The following INPP5D variants were observed in gnomAD, a reference collection of about 807,000 sequenced individuals.
INPP5D encodes phosphatidylinositol 3,4,5-trisphosphate 5-phosphatase 1.
A neutral mutation model predicts 122.9 loss-of-function variants in INPP5D; 33 were observed. That is an observed-to-expected ratio of 0.27 (90% CI 0.20 to 0.36). INPP5D has a LOEUF of 0.36. Ranked by LOEUF, INPP5D falls within the 10% of genes least tolerant of loss-of-function variation. The pLI, the probability that INPP5D is intolerant of heterozygous loss-of-function variation, is 1.00. For synonymous variants in INPP5D, 584 were observed against 576.2 expected, an observed-to-expected ratio of 1.01 and a Z score of -0.19; for missense variants, 1,053 against 1,412.7, an observed-to-expected ratio of 0.75 and a Z score of 4.08.
intron 1 of INPP5D, among the ~76,000 whole-genome samples, chr2:233,073,538 G>T (rs1336639953): frequency 6.6e-6 from 1 of 150,780 alleles, no homozygotes; most frequent in Non-Finnish European, 1.5e-5. Flanking sequence ...TACTCCGGAG[G>T]CTGAGACAGG....
intron 2 of INPP5D, among the ~76,000 whole-genome samples, chr2:233,108,821 G>A (rs1411270087): frequency 2.0e-5 from 3 of 152,118 alleles, no homozygotes; most frequent in Non-Finnish European, 2.9e-5. Context: ...CACTTACCCC[G>A]GTACCGCAAG....
chr2:233,174,791 CAAA>C (rs34082998), intron 17 of INPP5D, among the ~76,000 whole-genome samples: 42 of 96,836 alleles, frequency 4.3e-4, no homozygotes, highest in Admixed American at 5.3e-4. Flanking sequence ...GACCCTGTCT[CAAA>C]AAAAAAAAAA....
At chr2:233,121,318 G>T (rs1210295156) in intron 2 of INPP5D, among the ~76,000 whole-genome samples, 1 of 150,914 alleles carries the variant, frequency 6.6e-6, no homozygotes, top group Non-Finnish European at 1.5e-5. Flanking sequence ...TTTTAGTAGA[G>T]ACTGGGTTTG....
chr2:233,145,999 TAG>T, intron 6 of INPP5D, 161 bp from the exon 7 acceptor site: 1 of 701,914 alleles, frequency 1.4e-6, no homozygotes, highest in Non-Finnish European at 2.6e-6. Flanking sequence ...GAGAAGATTG[TAG>T]AGATCCCTGT....
At chr2:233,173,480 T>C (rs1429628918) in intron 17 of INPP5D, among the ~76,000 whole-genome samples, 1 of 152,206 alleles carries the variant, frequency 6.6e-6, no homozygotes, top group Non-Finnish European at 1.5e-5. Context: ...TTATAAACAA[T>C]TTAATTTTTG....
chr2:233,147,411 G>A (rs889376285), intron 8 of INPP5D, 60 bp from the exon 9 acceptor site: 3 of 698,506 alleles, frequency 4.3e-6, no homozygotes, highest in Admixed American at 2.0e-5. Flanking sequence ...TTCGGGCGGG[G>A]GAAGCCTTGC....
chr2:233,127,141 G>A (rs1480654346), intron 4 of INPP5D, among the ~76,000 whole-genome samples: 2 of 152,216 alleles, frequency 1.3e-5, no homozygotes, highest in East Asian at 3.9e-4. Flanking sequence ...CTGCCTCAGT[G>A]GGACCAGCAG....
chr2:233,140,592 C>G (rs1574759706), intron 6 of INPP5D: 1 of 152,270 alleles, frequency 6.6e-6, no homozygotes, highest in African/African-American at 2.4e-5. Context: ...ACTGCATCCT[C>G]AAACATCGGG....
intron 26 of INPP5D, 24 bp downstream of exon 26, chr2:233,204,741 C>T (rs1485919332): frequency 3.4e-6 from 5 of 1,461,372 alleles, no homozygotes; most frequent in South Asian, 2.8e-5. Flanking sequence ...CACGTGGGTT[C>T]GTGTGCATTT....
rs764213570 is a variant in INPP5D, at chr2:233,169,381, A to G, written c.1632A>G (p.Ser544=). 1.6e-4 allele frequency: 255 copies of G among 1,598,346 alleles called. No individual in the cohort carries two copies. Among genetic ancestry groups the G allele is most frequent in the Non-Finnish European group, 2.1e-4 (244 of 1,172,246 alleles). The change falls in exon 14 of 27, where the codon TCA becomes TCG. Residue 544 remains serine, a synonymous_variant. Transcript: ENST00000445964. The part of the protein sequence containing the change: ...SLGFVNSHLT[S]GSEKKLRRNQ... ...GGTTCGTCAACAGCCACTTGACTTCAGGAAGTGAAAAGAAACTCAGGTAAT... is the reference window on the plus strand; with the variant it reads ...GGTTCGTCAACAGCCACTTGACTTCGGGAAGTGAAAAGAAACTCAGGTAAT...
intron 4 of INPP5D, among the ~76,000 whole-genome samples, chr2:233,129,299 T>C (rs1285642346): frequency 2.0e-5 from 3 of 152,226 alleles, no homozygotes; most frequent in East Asian, 1.9e-4. Context: ...AGTCATAAAA[T>C]TGATTTGTGG....
rs752372116 is a variant in INPP5D, at chr2:233,161,753, G to A, written c.1167G>A (p.Gln389=). Residue 389 remains glutamine, a synonymous_variant, in exon 11 of 27, where the codon CAG becomes CAA. Coordinates refer to ENST00000445964, the MANE Select transcript of INPP5D (RefSeq NM_001017915.3). Reference sequence around the variant, plus strand: ...GAGAAGGCTTCTGCCAGCTCCTGCAGCAGATGAAGAACAAGCACTCAGAGC... The same window carrying A: ...GAGAAGGCTTCTGCCAGCTCCTGCAACAGATGAAGAACAAGCACTCAGAGC... ...KKREGFCQLL[Q]QMKNKHSEQP... is the part of the protein sequence containing the mutation. The A allele has an allele frequency of 1.9e-6, 3 of 1,613,504 alleles. No individual in the cohort carries two copies. The East Asian group carries it at 6.7e-5, about 36-fold the overall frequency.
intron 17 of INPP5D, among the ~76,000 whole-genome samples, chr2:233,176,315 CGATGGATG>C (rs1009641728): frequency 0.1 from 2,126 of 20,620 alleles, 24 homozygotes; most frequent in Non-Finnish European, 0.25. Context: ...TGGATGGGTG[CGATGGATG>C]GATGGATGGA....
chr2:233,101,376 C>A (rs1465130905), intron 2 of INPP5D, among the ~76,000 whole-genome samples: 1 of 151,990 alleles, frequency 6.6e-6, no homozygotes, highest in Non-Finnish European at 1.5e-5. Context: ...CAAGTCCTGG[C>A]GAGGTCTGCC....
chr2:233,127,999 C>A (rs1451054044), intron 4 of INPP5D, among the ~76,000 whole-genome samples: 2 of 152,222 alleles, frequency 1.3e-5, no homozygotes, highest in Non-Finnish European at 2.9e-5. Flanking sequence ...TGTTAAGATA[C>A]ATATTTTAAT....
At position 233,146,157 on chromosome 2, in the gene INPP5D, C is replaced by T. The variant is rs1191700333; in HGVS notation, c.754-5C>T. 2.8e-6 allele frequency: 2 copies of T among 704,062 alleles called. No individual in the cohort carries two copies. The highest frequency in any genetic ancestry group is 2.3e-4 in the Middle Eastern group (1 of 4,392). The allele number at this position is 704,062 out of a possible 1,614,324, so 43.6% of individuals were successfully genotyped here. A position where few individuals can be genotyped will look rare whatever the true frequency, so the allele number is the denominator to read the frequency against. ...TGCCCTGATCCTCTTTCCCTCCTCT[C>T]CCAGGTTCCTGGTGAGGCCAATCCC... is the stretch of plus-strand genomic sequence containing the variant. On this transcript the variant is annotated splice_polypyrimidine_tract_variant and splice_region_variant and intron_variant, in intron 6 of 26. Coordinates refer to ENST00000445964, the MANE Select transcript of INPP5D (RefSeq NM_001017915.3).
chr2:233,067,809 T>A (rs1691267425), intron 1 of INPP5D, among the ~76,000 whole-genome samples: 1 of 152,254 alleles, frequency 6.6e-6, no homozygotes, highest in Non-Finnish European at 1.5e-5. Context: ...TTCTCATGGT[T>A]AATGGCCATT....
intron 9 of INPP5D, among the ~76,000 whole-genome samples, chr2:233,156,024 G>A (rs1323875493): frequency 2.6e-5 from 4 of 152,230 alleles, no homozygotes; most frequent in Admixed American, 6.5e-5. Context: ...AAAGGATATA[G>A]AGCAAAATCA....
At chr2:233,174,794 A>G (rs1192877957) in intron 17 of INPP5D, among the ~76,000 whole-genome samples, 1 of 148,118 alleles carries the variant, frequency 6.8e-6, no homozygotes, top group Non-Finnish European at 1.5e-5. Flanking sequence ...CCTGTCTCAA[A>G]AAAAAAAAAA....
Sources: gnomAD v4.1 joint callset for allele counts (sites outside exome capture counted in the v4.1 genomes callset) on GRCh38, gnomAD v4.1.1 for gene constraint, MANE v1.5 for transcripts, NCBI Gene and HGNC (gene_info 2026-07-23, HGNC 2026-07-21) for gene names.